The following LRP1B variants were observed in gnomAD, a reference collection of about 807,000 sequenced individuals.
The protein encoded by LRP1B is LDL receptor related protein 1B.
LRP1B carries 217 observed loss-of-function variants against 556.6 expected under a neutral mutation model. The observed-to-expected ratio is 0.39, with a 90% CI of 0.35 to 0.44. The LOEUF (loss-of-function observed/expected upper bound fraction) is 0.44, where lower values mean the gene tolerates loss of function less well. LRP1B is among the 20% of genes least tolerant of loss of function. The pLI is 1.00. For synonymous variants in LRP1B, 2,047 were observed against 1,865.8 expected, an observed-to-expected ratio of 1.10 and a Z score of -2.50; for missense variants, 5,053 against 5,620.8, an observed-to-expected ratio of 0.90 and a Z score of 3.23.
At chr2:140,771,368 T>C (rs553055641) in intron 33 of LRP1B, among the ~76,000 whole-genome samples, 3 of 152,282 alleles carry the variant, frequency 2.0e-5, no homozygotes, top group African/African-American at 7.2e-5. Context: ...ATTACTTCCT[T>C]TGCAAGAATA....
chr2:140,723,543 CATTTAAATT>C (rs1687488623), intron 35 of LRP1B, among the ~76,000 whole-genome samples: 2 of 47,860 alleles, frequency 4.2e-5, no homozygotes, highest in African/African-American at 1.2e-4. Context: ...TAGCCATATC[CATTTAAATT>C]ATGTTAGCAT....
chr2:140,593,235 A>T (rs1293733398), intron 43 of LRP1B, among the ~76,000 whole-genome samples: 1 of 152,204 alleles, frequency 6.6e-6, no homozygotes, highest in East Asian at 1.9e-4. Context: ...TTTTTAAAAG[A>T]ATGTCAGTGG....
intron 60 of LRP1B, among the ~76,000 whole-genome samples, chr2:140,470,168 T>G (rs1456066621): frequency 6.6e-6 from 1 of 152,208 alleles, no homozygotes; most frequent in African/African-American, 2.4e-5. Context: ...ATTAATTTGA[T>G]TAGTTTACAA....
At chr2:140,666,301 T>TAC (rs56905500) in intron 41 of LRP1B, among the ~76,000 whole-genome samples, 1,720 of 147,874 alleles carry the variant, frequency 0.012, 28 homozygotes, top group African/African-American at 0.039. Flanking sequence ...CCATTTATTA[T>TAC]ACACACACAC....
chr2:140,864,831 C>A (rs2105147423), intron 27 of LRP1B, among the ~76,000 whole-genome samples: 1 of 152,106 alleles, frequency 6.6e-6, no homozygotes, highest in African/African-American at 2.4e-5. Flanking sequence ...GATACATTAT[C>A]TCCAGTTTGA....
At chr2:141,216,514 G>T (rs1327723808) in intron 6 of LRP1B, among the ~76,000 whole-genome samples, 1 of 152,156 alleles carries the variant, frequency 6.6e-6, no homozygotes, top group Non-Finnish European at 1.5e-5. Flanking sequence ...GTGAAGCTGT[G>T]GGAAGGGGGC....
intron 2 of LRP1B, among the ~76,000 whole-genome samples, chr2:141,767,704 A>G (rs978390848): frequency 2.6e-5 from 4 of 152,168 alleles, no homozygotes; most frequent in African/African-American, 9.6e-5. Flanking sequence ...GGCAAGTCTG[A>G]CATTAAACTC....
intron 84 of LRP1B, among the ~76,000 whole-genome samples, chr2:140,286,878 A>G (rs1573736674): frequency 6.6e-6 from 1 of 151,944 alleles, no homozygotes; most frequent in East Asian, 1.9e-4. Flanking sequence ...CAATTTACAG[A>G]AGACTTTTCT....
At chr2:141,954,383 C>A (rs772216642) in intron 1 of LRP1B, among the ~76,000 whole-genome samples, 9 of 152,018 alleles carry the variant, frequency 5.9e-5, no homozygotes, top group Non-Finnish European at 1.2e-4. Context: ...ATCTTAATGC[C>A]AAGCACAGTA....
intron 7 of LRP1B, among the ~76,000 whole-genome samples, chr2:141,146,114 A>C (rs778322951): frequency 1.3e-5 from 2 of 151,030 alleles, no homozygotes; most frequent in African/African-American, 4.9e-5. Flanking sequence ...TAGTAGAGAC[A>C]GGATTTTGCC....
chr2:140,700,682 A>G, intron 40 of LRP1B, 61 bp from the exon 41 acceptor site: 2 of 1,521,220 alleles, frequency 1.3e-6, no homozygotes, highest in Non-Finnish European at 1.8e-6. Context: ...TTTTTGAAAC[A>G]AAATTCTCCA....
intron 43 of LRP1B, among the ~76,000 whole-genome samples, chr2:140,545,711 T>C (rs1300461191): frequency 6.6e-6 from 1 of 152,042 alleles, no homozygotes; most frequent in Non-Finnish European, 1.5e-5. Context: ...TGAAGTCAGT[T>C]TGTGTGATTA....
At chr2:140,956,384 A>G (rs985328961) in intron 18 of LRP1B, among the ~76,000 whole-genome samples, 1 of 151,786 alleles carries the variant, frequency 6.6e-6, no homozygotes, top group Non-Finnish European at 1.5e-5. Flanking sequence ...ATAGCTTAGA[A>G]AGATTTGGGA....
At chr2:141,504,252 G>A (rs4591293) in intron 2 of LRP1B, among the ~76,000 whole-genome samples, 60,697 of 151,904 alleles carry the variant, frequency 0.4, 12,592 homozygotes, top group Non-Finnish European at 0.46. Flanking sequence ...TCCAAGGGCA[G>A]GATGATGTCT....
At chr2:140,748,172 T>G (rs1264974199) in intron 35 of LRP1B, among the ~76,000 whole-genome samples, 1 of 134,082 alleles carries the variant, frequency 7.5e-6, no homozygotes, top group Non-Finnish European at 1.6e-5. Flanking sequence ...TCATATATAT[T>G]ATATATTCAT....
At chr2:141,660,430 C>T (rs888203801) in intron 2 of LRP1B, among the ~76,000 whole-genome samples, 1 of 152,080 alleles carries the variant, frequency 6.6e-6, no homozygotes, top group Non-Finnish European at 1.5e-5. Flanking sequence ...CTACTGAGTT[C>T]TCAGGGAGTG....
chr2:140,462,065 C>T (rs527555446), intron 60 of LRP1B, among the ~76,000 whole-genome samples: 1 of 152,190 alleles, frequency 6.6e-6, no homozygotes, highest in South Asian at 2.1e-4. Context: ...TTATGCTTCA[C>T]CCTATGACTA....
chr2:140,269,416 C>T (rs767243296), intron 86 of LRP1B: 3 of 464,816 alleles, frequency 6.5e-6, no homozygotes, highest in Non-Finnish European at 8.9e-6. Flanking sequence ...CTAAATAAAG[C>T]GTCTGACTTG....
At chr2:140,546,782 T>A (rs1283419685) in intron 43 of LRP1B, among the ~76,000 whole-genome samples, 1 of 152,172 alleles carries the variant, frequency 6.6e-6, no homozygotes, top group East Asian at 1.9e-4. Flanking sequence ...CTATTCAGTA[T>A]GATGTTGGCT....
Sources: allele counts gnomAD v4.1 joint callset (sites outside exome capture counted in the v4.1 genomes callset), GRCh38; gene constraint gnomAD v4.1.1; transcripts MANE v1.5; gene names NCBI Gene and HGNC (gene_info 2026-07-23, HGNC 2026-07-21).